The following GRIK2 variants were observed in gnomAD, a reference collection of about 807,000 sequenced individuals.
GRIK2 encodes the protein glutamate ionotropic receptor kainate type subunit 2, also known as glutamate receptor ionotropic, kainate 2.
In GRIK2, 32 loss-of-function variants were observed where a neutral mutation model predicts 100.3. The ratio of observed to expected loss-of-function variants is 0.32; its 90% CI spans 0.24 to 0.43. GRIK2 has a LOEUF of 0.43. Among genes scored for constraint, GRIK2 ranks in the 20% least tolerant of loss-of-function variants. GRIK2 has a pLI of 1.00. For synonymous variants in GRIK2, 417 were observed against 389.4 expected, an observed-to-expected ratio of 1.07 and a Z score of -0.83; for missense variants, 843 against 1,114.9, an observed-to-expected ratio of 0.76 and a Z score of 3.47.
Position 101,516,331 on chromosome 6 carries a change from C to G in GRIK2, c.116-105618C>G, listed in dbSNP as rs557175381. On this transcript the variant is annotated intron_variant, in intron 2 of 16. Coordinates refer to ENST00000369134, the MANE Select transcript of GRIK2 (RefSeq NM_021956.5). ...CTGGAGACATCACACTACCAGATTT[C>G]AAACTATTCTATAAGGCCATAGTCA... Among the ~76,000 whole-genome samples the G allele has an allele frequency of 1.1e-3, 174 of 152,116 alleles. 1 individual carries two copies. Among genetic ancestry groups the G allele is most frequent in the African/African-American group, 4.0e-3 (164 of 41,508 alleles).
intron 2 of GRIK2, among the ~76,000 whole-genome samples, chr6:101,527,071 G>A (rs1054536523): frequency 3.9e-5 from 6 of 152,128 alleles, no homozygotes; most frequent in African/African-American, 9.7e-5. Flanking sequence ...CCCTTTCAGA[G>A]AGTGGACAGA....
At chr6:101,686,021 G>A (rs1343835418) in intron 6 of GRIK2, among the ~76,000 whole-genome samples, 159 bp from the exon 7 acceptor site, 1 of 151,992 alleles carries the variant, frequency 6.6e-6, no homozygotes, top group African/African-American at 2.4e-5. Context: ...AAAGCATGAG[G>A]ACAGTCTATT....
chr6:101,493,980 A>G (rs1773284612), intron 2 of GRIK2, among the ~76,000 whole-genome samples: 1 of 144,628 alleles, frequency 6.9e-6, no homozygotes, highest in South Asian at 2.1e-4. Context: ...TAATTTATAT[A>G]TTATATAAAA....
At chr6:102,046,480 T>A (rs1200671133) in intron 15 of GRIK2, among the ~76,000 whole-genome samples, 1 of 151,986 alleles carries the variant, frequency 6.6e-6, no homozygotes, top group Non-Finnish European at 1.5e-5. Flanking sequence ...GGTTAAAAAG[T>A]GTGACACTTC....
chr6:102,004,347 G>C (rs1795101587), intron 14 of GRIK2, among the ~76,000 whole-genome samples: 1 of 149,226 alleles, frequency 6.7e-6, no homozygotes, highest in Admixed American at 6.7e-5. Context: ...ACTGAGGGGA[G>C]GGAGAAAAAG....
chr6:101,728,345 A>G (rs2128369408), intron 7 of GRIK2, among the ~76,000 whole-genome samples: 1 of 152,222 alleles, frequency 6.6e-6, no homozygotes, highest in South Asian at 2.1e-4. Flanking sequence ...ATGTTATGTC[A>G]TTAAATTCTA....
At chr6:101,899,018 A>G (rs894291379) in intron 12 of GRIK2, among the ~76,000 whole-genome samples, 1 of 151,706 alleles carries the variant, frequency 6.6e-6, no homozygotes, top group African/African-American at 2.4e-5. Flanking sequence ...TTACATAATT[A>G]CATCATTCAA....
chr6:101,424,181 T>A (rs537049506), intron 2 of GRIK2, among the ~76,000 whole-genome samples: 44 of 152,064 alleles, frequency 2.9e-4, no homozygotes, highest in Admixed American at 1.3e-3. Context: ...TATTTTTTTT[T>A]ATTATACTTT....
chr6:102,005,696 G>A lies in GRIK2; in HGVS notation c.2086-29645G>A, dbSNP rs370896671. On this transcript the variant is annotated intron_variant, in intron 14 of 16. Transcript: ENST00000369134. The stretch of plus-strand genomic sequence containing the variant: ...TTTAGTCCAGTAAATTTGCTTTTAC[G>A]CCAAACCTCAAACGTAATCAGTGAA... Among the ~76,000 whole-genome samples, 11 of 152,108 alleles carry A rather than the reference G, an allele frequency of 7.2e-5. 1 individual carries two copies. The highest frequency in any genetic ancestry group is 2.2e-4 in the African/African-American group (9 of 41,506).
chr6:101,953,486 C>T (rs1178895146), intron 14 of GRIK2, among the ~76,000 whole-genome samples: 2 of 152,102 alleles, frequency 1.3e-5, no homozygotes, highest in African/African-American at 4.8e-5. Flanking sequence ...CTCCTCATGG[C>T]TTTGATTTGT....
intron 12 of GRIK2, among the ~76,000 whole-genome samples, chr6:101,896,554 A>G (rs1489373805): frequency 6.6e-6 from 1 of 151,736 alleles, no homozygotes; most frequent in Non-Finnish European, 1.5e-5. Flanking sequence ...CATAAATATA[A>G]TTTATTGTTA....
chr6:101,579,315 CATA>C (rs1777940153), intron 2 of GRIK2, among the ~76,000 whole-genome samples: 1 of 151,978 alleles, frequency 6.6e-6, no homozygotes. Context: ...TTCATAATAC[CATA>C]ATAACTTTAA....
intron 12 of GRIK2, among the ~76,000 whole-genome samples, chr6:101,912,194 T>C (rs1221867040): frequency 2.0e-5 from 3 of 150,578 alleles, no homozygotes; most frequent in Admixed American, 1.3e-4. Flanking sequence ...ATATTTTTTA[T>C]TGGGTATACG....
chr6:101,619,384 C>T (rs1252436687), intron 2 of GRIK2, among the ~76,000 whole-genome samples: 2 of 151,714 alleles, frequency 1.3e-5, no homozygotes, highest in Non-Finnish European at 2.9e-5. Flanking sequence ...TTTCTTTAAA[C>T]ATTCAAACTT....
chr6:101,836,116 T>C (rs1048201138), intron 10 of GRIK2, among the ~76,000 whole-genome samples: 1 of 151,864 alleles, frequency 6.6e-6, no homozygotes, highest in Non-Finnish European at 1.5e-5. Context: ...GCTGTTGCAG[T>C]TGTTCACAGG....
intron 14 of GRIK2, among the ~76,000 whole-genome samples, chr6:101,930,158 A>C (rs913465352): frequency 6.6e-6 from 1 of 151,948 alleles, no homozygotes; most frequent in Non-Finnish European, 1.5e-5. Flanking sequence ...CCTCCATAAC[A>C]TGGCAAAATT....
chr6:102,008,418 T>A (rs1464493460), intron 14 of GRIK2, among the ~76,000 whole-genome samples: 1 of 152,124 alleles, frequency 6.6e-6, no homozygotes, highest in Non-Finnish European at 1.5e-5. Flanking sequence ...GAAAGCAATG[T>A]CGCCTGATGA....
intron 2 of GRIK2, among the ~76,000 whole-genome samples, chr6:101,595,264 A>G (rs1375337638): frequency 6.6e-6 from 1 of 151,740 alleles, no homozygotes; most frequent in Admixed American, 6.6e-5. Context: ...AGTGATGTAC[A>G]GATCAGTTAG....
chr6:101,589,831 G>A (rs1778555912), intron 2 of GRIK2, among the ~76,000 whole-genome samples: 1 of 152,092 alleles, frequency 6.6e-6, no homozygotes, highest in Non-Finnish European at 1.5e-5. Context: ...TGGAGCCATG[G>A]AGAGAAGTAG....
Sources: gnomAD v4.1 joint callset for allele counts (sites outside exome capture counted in the v4.1 genomes callset) on GRCh38, gnomAD v4.1.1 for gene constraint, MANE v1.5 for transcripts, NCBI Gene and HGNC (gene_info 2026-07-23, HGNC 2026-07-21) for gene names.